HS6ST3: variants seen among roughly 807,000 people sequenced by gnomAD.
HS6ST3 encodes heparan-sulfate 6-O-sulfotransferase 3.
HS6ST3 carries 12 observed loss-of-function variants against 36.7 expected under a neutral mutation model. The observed-to-expected ratio is 0.33, with a 90% CI of 0.21 to 0.53. The LOEUF is 0.53. Ranked by LOEUF, HS6ST3 falls within the 20% of genes least tolerant of loss-of-function variation. HS6ST3 has a pLI of 0.95. For missense variants in HS6ST3, 584 were observed against 640.9 expected, an observed-to-expected ratio of 0.91 and a Z score of 0.96; for synonymous variants, 240 against 257.5, an observed-to-expected ratio of 0.93 and a Z score of 0.65.
At chr13:96,275,018 A>T (rs2054741217) in intron 1 of HS6ST3, among the ~76,000 whole-genome samples, 1 of 152,026 alleles carries the variant, frequency 6.6e-6, no homozygotes, top group Admixed American at 6.6e-5. Flanking sequence ...ACACCTTAGC[A>T]CAGTGTTTCA....
At chr13:96,715,297 A>G (rs979421035) in intron 1 of HS6ST3, among the ~76,000 whole-genome samples, 1 of 152,088 alleles carries the variant, frequency 6.6e-6, no homozygotes, top group East Asian at 1.9e-4. Context: ...TGAAGAACCA[A>G]TGTCTAGCTA....
chr13:96,721,175 T>C (rs1875837904), intron 1 of HS6ST3, among the ~76,000 whole-genome samples: 1 of 152,172 alleles, frequency 6.6e-6, no homozygotes, highest in African/African-American at 2.4e-5. Flanking sequence ...TGTTCATGTG[T>C]TTTTATGGTG....
At chr13:96,272,281 A>G (rs1452175958) in intron 1 of HS6ST3, among the ~76,000 whole-genome samples, 1 of 152,004 alleles carries the variant, frequency 6.6e-6, no homozygotes, top group African/African-American at 2.4e-5. Context: ...CTGGTCCATA[A>G]AAAGCCATTT....
intron 1 of HS6ST3, among the ~76,000 whole-genome samples, chr13:96,522,593 C>T (rs547652317): frequency 6.6e-6 from 1 of 152,204 alleles, no homozygotes; most frequent in Admixed American, 6.5e-5. Flanking sequence ...TATCCCTTTA[C>T]CATTATGTAA....
intron 1 of HS6ST3, among the ~76,000 whole-genome samples, chr13:96,206,953 A>G (rs1003231650): frequency 2.6e-5 from 4 of 152,204 alleles, no homozygotes; most frequent in African/African-American, 9.7e-5. Flanking sequence ...GCAAAAATTG[A>G]CAAATGCGAT....
At chr13:96,278,030 C>T (rs1051871844) in intron 1 of HS6ST3, among the ~76,000 whole-genome samples, 1 of 152,146 alleles carries the variant, frequency 6.6e-6, no homozygotes, top group Non-Finnish European at 1.5e-5. Context: ...TCCGTTAATA[C>T]AGGAGGTATT....
intron 1 of HS6ST3, among the ~76,000 whole-genome samples, chr13:96,567,745 A>G (rs954430552): frequency 6.6e-6 from 1 of 152,346 alleles, no homozygotes; most frequent in East Asian, 1.9e-4. Context: ...AATATCTAAC[A>G]TGTATGAAAC....
At chr13:96,544,697 TCTCATCTTTCTC>T (rs1210198204) in intron 1 of HS6ST3, among the ~76,000 whole-genome samples, 3 of 152,182 alleles carry the variant, frequency 2.0e-5, no homozygotes, top group Non-Finnish European at 4.4e-5. Context: ...GCGTTGACCC[TCTCATCTTTCTC>T]CTCTCTTATT....
intron 1 of HS6ST3, among the ~76,000 whole-genome samples, chr13:96,727,945 T>C (rs1876047569): frequency 2.0e-5 from 3 of 152,204 alleles, no homozygotes; most frequent in African/African-American, 7.2e-5. Flanking sequence ...TGCCTAAGTC[T>C]AGTTTAGGCA....
chr13:96,297,548 G>A (rs74602462), intron 1 of HS6ST3, among the ~76,000 whole-genome samples: 1 of 152,162 alleles, frequency 6.6e-6, no homozygotes, highest in Middle Eastern at 3.4e-3. Context: ...CTTTGCCAGC[G>A]TTAGTTCTCA....
intron 1 of HS6ST3, among the ~76,000 whole-genome samples, chr13:96,233,130 A>T (rs1209185725): frequency 6.6e-6 from 1 of 152,144 alleles, no homozygotes; most frequent in Non-Finnish European, 1.5e-5. Context: ...GTTTTTCTCT[A>T]ATTGTAGTGT....
At chr13:96,209,263 G>T (rs2054386971) in intron 1 of HS6ST3, among the ~76,000 whole-genome samples, 1 of 152,168 alleles carries the variant, frequency 6.6e-6, no homozygotes, top group Non-Finnish European at 1.5e-5. Context: ...CGGTAGCGGG[G>T]ATCATATTAG....
At chr13:96,615,231 T>C (rs1255243685) in intron 1 of HS6ST3, among the ~76,000 whole-genome samples, 4 of 152,246 alleles carry the variant, frequency 2.6e-5, no homozygotes, top group African/African-American at 9.6e-5. Flanking sequence ...AAGTTTACTT[T>C]ACCTGTATTG....
chr13:96,724,415 A>G (rs1012849421), intron 1 of HS6ST3, among the ~76,000 whole-genome samples: 2 of 152,204 alleles, frequency 1.3e-5, no homozygotes, highest in Non-Finnish European at 2.9e-5. Context: ...TTTCATAAAT[A>G]TTAACATATG....
At position 96,279,671 on chromosome 13, in the gene HS6ST3, T is replaced by C. The variant is rs550145434; in HGVS notation, c.707+188102T>C. The stretch of plus-strand genomic sequence containing the variant: ...TTAGCTGCTCATCTACTTTCTTACC[T>C]GCTCTATTTCCCTTTCTTCTTTCTT... On this transcript the variant is annotated intron_variant, in intron 1 of 1. Transcript: ENST00000376705. Among the ~76,000 whole-genome samples, 3 of 152,324 alleles carry C rather than the reference T, an allele frequency of 2.0e-5. No homozygotes were observed. In the South Asian group the frequency reaches 6.2e-4, roughly 32 times the overall value.
At chr13:96,312,006 A>G (rs2054943683) in intron 1 of HS6ST3, among the ~76,000 whole-genome samples, 1 of 152,016 alleles carries the variant, frequency 6.6e-6, no homozygotes, top group African/African-American at 2.4e-5. Context: ...AAACACAAAT[A>G]TTTCTAACTG....
intron 1 of HS6ST3, among the ~76,000 whole-genome samples, chr13:96,780,236 T>C (rs1877492696): frequency 6.6e-6 from 1 of 152,178 alleles, no homozygotes; most frequent in Admixed American, 6.6e-5. Context: ...ATGGCACCTA[T>C]AGAAAGCAGT....
chr13:96,624,161 G>GTA (rs1177405069), intron 1 of HS6ST3, among the ~76,000 whole-genome samples: 5 of 151,928 alleles, frequency 3.3e-5, no homozygotes, highest in Non-Finnish European at 5.9e-5. Context: ...ACAGGTGTGT[G>GTA]TATATATATA....
rs189722902 is a variant in HS6ST3, at chr13:96,480,239, G to A, written c.708-352251G>A. On this transcript the variant is annotated intron_variant, in intron 1 of 1. Transcript: ENST00000376705. Reference sequence around the variant, plus strand: ...AGCGATTCTTCTGCCTCAGCCTCCCGAGTGGCTGGGATTACAGGTGCCTGC... The same window carrying A: ...AGCGATTCTTCTGCCTCAGCCTCCCAAGTGGCTGGGATTACAGGTGCCTGC... Among the ~76,000 whole-genome samples the A allele has an allele frequency of 3.8e-3, 585 of 152,084 alleles. 4 individuals are homozygous for A. Among genetic ancestry groups the A allele is most frequent in the African/African-American group, 8.8e-3 (365 of 41,506 alleles).
Sources: allele counts gnomAD v4.1 joint callset (sites outside exome capture counted in the v4.1 genomes callset), GRCh38; gene constraint gnomAD v4.1.1; transcripts MANE v1.5; gene names NCBI Gene and HGNC (gene_info 2026-07-23, HGNC 2026-07-21).